DENND6A: variants seen among roughly 807,000 people sequenced by gnomAD.
DENND6A encodes protein DENND6A.
Under a neutral mutation model 95.5 loss-of-function variants are expected in DENND6A, and 43 were observed. The observed-to-expected ratio is 0.45, with a 90% CI of 0.35 to 0.58. The LOEUF is 0.58. Ranked by LOEUF, DENND6A falls within the 20% of genes least tolerant of loss-of-function variation. The pLI is 0.00. For synonymous variants in DENND6A, 257 were observed against 260.4 expected (o/e 0.99, Z 0.13); for missense variants, 574 against 736.0 (o/e 0.78, Z 2.55).
At chr3:57,634,656 C>T in intron 13 of DENND6A, 34 bp from the exon 14 acceptor site, 1 of 1,491,426 alleles carries the variant, frequency 6.7e-7, no homozygotes, top group East Asian at 2.5e-5. Flanking sequence ...AACAAAAAAA[C>T]CCAAGTACCA....
intron 1 of DENND6A, among the ~76,000 whole-genome samples, chr3:57,690,640 C>T (rs1426837319): frequency 2.0e-5 from 3 of 150,562 alleles, no homozygotes; most frequent in Admixed American, 1.3e-4. Flanking sequence ...GCCGAAATTA[C>T]ACCACTGCAC....
chr3:57,671,276 G>C (rs991205495), intron 3 of DENND6A, among the ~76,000 whole-genome samples: 16 of 152,192 alleles, frequency 1.1e-4, no homozygotes, highest in African/African-American at 3.1e-4. Flanking sequence ...TGTAATCCCA[G>C]GACTTTGGGA....
At chr3:57,653,785 T>C (rs1322355392) in intron 9 of DENND6A, among the ~76,000 whole-genome samples, 1 of 146,622 alleles carries the variant, frequency 6.8e-6, no homozygotes, top group East Asian at 2.0e-4. Context: ...CCAAATTAAC[T>C]GCAGTATAGG....
At chr3:57,681,628 AAAAAAAAAAG>A (rs896757059) in intron 1 of DENND6A, among the ~76,000 whole-genome samples, 4 of 151,690 alleles carry the variant, frequency 2.6e-5, no homozygotes, top group Non-Finnish European at 5.9e-5. Context: ...TGTTAAAAAA[AAAAAAAAAAG>A]AAAGAAAGAA....
intron 3 of DENND6A, 108 bp from the exon 4 acceptor site, chr3:57,666,343 C>A: frequency 1.1e-6 from 1 of 897,504 alleles, no homozygotes; most frequent in South Asian, 1.9e-5. Context: ...TTAACCCATT[C>A]TGTCATGTTT....
At chr3:57,658,185 G>A (rs554497700) in intron 8 of DENND6A, among the ~76,000 whole-genome samples, 2 of 150,978 alleles carry the variant, frequency 1.3e-5, no homozygotes, top group Admixed American at 6.6e-5. Flanking sequence ...GCAGTGAGCC[G>A]AGATTGCACC....
At position 57,626,041 on chromosome 3, in the gene DENND6A, A is replaced by G. The variant is rs549960550; in HGVS notation, c.*2173T>C. 3 of 152,786 alleles carry G rather than the reference A, an allele frequency of 2.0e-5. No individual in the cohort carries two copies. The South Asian group carries it at 6.2e-4, about 32-fold the overall frequency. 9.5% of individuals were successfully genotyped at this position (152,786 alleles called of 1,614,324 possible). A position where few individuals can be genotyped will look rare whatever the true frequency, so the allele number is the denominator to read the frequency against. ...TTTATACCTAAATAAGGTTTCCCAGAAAGTTATGAAATACTTTTAGCATAT... is the reference window on the plus strand; with the variant it reads ...TTTATACCTAAATAAGGTTTCCCAGGAAGTTATGAAATACTTTTAGCATAT... On this transcript the variant is annotated 3_prime_UTR_variant, in exon 20 of 20. Coordinates refer to ENST00000311128, the MANE Select transcript of DENND6A (RefSeq NM_152678.3).
At chr3:57,652,043 T>TAAAATA (rs920810145) in intron 9 of DENND6A, among the ~76,000 whole-genome samples, 1 of 151,838 alleles carries the variant, frequency 6.6e-6, no homozygotes, top group Admixed American at 6.6e-5. Context: ...ACAAAAATAA[T>TAAAATA]AAAATAAAAA....
intron 12 of DENND6A, among the ~76,000 whole-genome samples, chr3:57,635,804 T>A (rs2153412511): frequency 6.6e-6 from 1 of 152,244 alleles, no homozygotes; most frequent in Non-Finnish European, 1.5e-5. Flanking sequence ...ACAGCATGGG[T>A]TTAAACTGTG....
intron 1 of DENND6A, among the ~76,000 whole-genome samples, chr3:57,687,926 C>A (rs1294599665): frequency 1.5e-5 from 1 of 66,000 alleles, no homozygotes; most frequent in South Asian, 7.2e-4. Context: ...AGTAAGACCA[C>A]CTCAAAAAAA....
In DENND6A at chr3:57,672,442, GAAGAA is replaced by G. The variant is rs2071634045; in HGVS notation, c.238-9_238-5del. Reference sequence around the variant, plus strand: ...TGGAATGCTGAGGATAAATTACCTGGAAGAAAAGAGTTAAATTTTGTTAAACATAT... The same window carrying G: ...TGGAATGCTGAGGATAAATTACCTGGAAGAGTTAAATTTTGTTAAACATAT... On this transcript the variant is annotated splice_region_variant and splice_polypyrimidine_tract_variant and intron_variant, in intron 1 of 19. Coordinates refer to ENST00000311128, the MANE Select transcript of DENND6A (RefSeq NM_152678.3). 6.2e-7 allele frequency: 1 copy of G among 1,611,016 alleles called. No homozygotes were observed. The highest frequency in any genetic ancestry group is 8.5e-7 in the Non-Finnish European group (1 of 1,178,690).
chr3:57,678,542 AC>A (rs1019558959), intron 1 of DENND6A, among the ~76,000 whole-genome samples: 16 of 152,252 alleles, frequency 1.1e-4, no homozygotes, highest in Admixed American at 2.0e-4. Flanking sequence ...CCAAAAATTC[AC>A]GTTAAAGCTC....
chr3:57,689,297 A>G (rs1015485912), intron 1 of DENND6A, among the ~76,000 whole-genome samples: 3 of 151,214 alleles, frequency 2.0e-5, no homozygotes, highest in Non-Finnish European at 4.4e-5. Flanking sequence ...AGCAATGAGT[A>G]TGTTATTATT....
chr3:57,647,519 T>C (rs2153414040), intron 9 of DENND6A, among the ~76,000 whole-genome samples: 1 of 152,186 alleles, frequency 6.6e-6, no homozygotes, highest in African/African-American at 2.4e-5. Context: ...TGGTGAGCAA[T>C]GTATACATGT....
rs986854799 is a variant in DENND6A at position 57,692,699 on chromosome 3, G to C, written c.237+83C>G. ...ATGCGCCGCGGACAGGGTCCTGGCC[G>C]GTCAGCCCGCGGGCCGCTGGCTTTG... On this transcript the variant is annotated intron_variant, in intron 1 of 19. Coordinates refer to ENST00000311128, the MANE Select transcript of DENND6A (RefSeq NM_152678.3). 6.2e-6 allele frequency: 8 copies of C among 1,281,388 alleles called. No homozygotes were observed. In the South Asian group the frequency reaches 6.8e-5, roughly 11 times the overall value. The allele number at this position is 1,281,388 out of a possible 1,614,324, so 79.4% of individuals were successfully genotyped here.
chr3:57,692,625 T>A (rs989069425), intron 1 of DENND6A, among the ~76,000 whole-genome samples, 157 bp downstream of exon 1: 2 of 152,174 alleles, frequency 1.3e-5, no homozygotes, highest in Non-Finnish European at 2.9e-5. Context: ...GGAAGTGCCG[T>A]AGGACCGCAG....
intron 12 of DENND6A, among the ~76,000 whole-genome samples, chr3:57,637,437 T>C (rs1208485995): frequency 6.6e-6 from 1 of 152,210 alleles, no homozygotes; most frequent in African/African-American, 2.4e-5. Flanking sequence ...TGGTAAAGTT[T>C]CAGGACACAG....
intron 1 of DENND6A, among the ~76,000 whole-genome samples, chr3:57,683,043 T>G (rs542325586): frequency 6.6e-6 from 1 of 152,338 alleles, no homozygotes; most frequent in Non-Finnish European, 1.5e-5. Context: ...TGTCTTCATC[T>G]ACTGATTAAC....
At chr3:57,630,633 A>T (rs1177674119) in intron 17 of DENND6A, 82 bp downstream of exon 17, 2 of 1,537,506 alleles carry the variant, frequency 1.3e-6, no homozygotes, top group Non-Finnish European at 1.8e-6. Flanking sequence ...TTTTTTAAAA[A>T]GAATAAGCTT....
Sources: allele counts gnomAD v4.1 joint callset (sites outside exome capture counted in the v4.1 genomes callset), GRCh38; gene constraint gnomAD v4.1.1; transcripts MANE v1.5; gene names NCBI Gene and HGNC (gene_info 2026-07-23, HGNC 2026-07-21).